The following ZC3H11A variants were observed in gnomAD, a reference collection of about 807,000 sequenced individuals.
ZC3H11A encodes the protein zinc finger CCCH domain-containing protein 11A.
ZC3H11A carries 22 observed loss-of-function variants against 90.8 expected under a neutral mutation model. The ratio of observed to expected loss-of-function variants is 0.24; its 90% CI spans 0.17 to 0.35. The LOEUF (loss-of-function observed/expected upper bound fraction) is 0.35. Ranked by LOEUF, ZC3H11A falls within the 10% of genes least tolerant of loss-of-function variation. ZC3H11A has a pLI of 1.00. For synonymous variants in ZC3H11A, 294 were observed against 339.8 expected (o/e 0.87, Z 1.48); for missense variants, 701 against 964.9 (o/e 0.73, Z 3.62).
intron 4 of ZC3H11A, among the ~76,000 whole-genome samples, chr1:203,825,804 AT>A (rs200102832): frequency 6.7e-6 from 1 of 150,066 alleles, no homozygotes; most frequent in Non-Finnish European, 1.5e-5. Context: ...GTCACTTGTG[AT>A]TTTTTTTTTA....
At position 203,829,673 on chromosome 1, in the gene ZC3H11A, C is replaced by T; in HGVS notation, c.502+19C>T. 6.2e-7 allele frequency: 1 copy of T among 1,614,128 alleles called. No homozygotes were observed. The highest frequency in any genetic ancestry group is 8.5e-7 in the Non-Finnish European group (1 of 1,179,972). ...GATGATGGTAAGTTCTGTCTGGCTC[C>T]TTCTTTAAGGCAAATAAATAGGGTC... On this transcript the variant is annotated intron_variant, in intron 6 of 17. Coordinates refer to ENST00000367210, the MANE Select transcript of ZC3H11A (RefSeq NM_001376342.1).
At position 203,852,976 on chromosome 1, in the gene ZC3H11A, G is replaced by A. The variant is rs1478952663; in HGVS notation, c.*577G>A. The A allele has an allele frequency of 6.5e-6, 1 of 153,918 alleles. No homozygotes were observed. The highest frequency in any genetic ancestry group is 2.4e-5 in the African/African-American group (1 of 41,426). The allele number at this position is 153,918 out of a possible 1,614,324, so 9.5% of individuals were successfully genotyped here. A position where few individuals can be genotyped will look rare whatever the true frequency, so the allele number is the denominator to read the frequency against. ...GCCTGTAATGTGGGCATAACTCTTT[G>A]GACCTGATCTTGATGCTTCTGCTGC... On this transcript the variant is annotated 3_prime_UTR_variant, in exon 18 of 18. Transcript: ENST00000367210.
At chr1:203,817,823 GCTT>G (rs1418421451) in intron 3 of ZC3H11A, among the ~76,000 whole-genome samples, 1 of 151,776 alleles carries the variant, frequency 6.6e-6, no homozygotes, top group Non-Finnish European at 1.5e-5. Context: ...TATGGTCTTG[GCTT>G]ACTGTAACCT....
intron 4 of ZC3H11A, among the ~76,000 whole-genome samples, chr1:203,819,324 C>T (rs1168231551): frequency 2.0e-5 from 3 of 150,322 alleles, no homozygotes; most frequent in African/African-American, 4.9e-5. Flanking sequence ...CAGGTTCAAG[C>T]GATTCTCCTG....
rs115573392 is a variant in ZC3H11A at position 203,797,105 on chromosome 1, T to C, written c.-1588+1311T>C. 3.5e-3 allele frequency: 542 copies of C among 154,674 alleles called. 3 individuals carry two copies. The highest frequency in any genetic ancestry group is 6.7e-3 in the Middle Eastern group (2 of 298). The allele number at this position is 154,674 out of a possible 1,614,324, so 9.6% of individuals were successfully genotyped here. A position where few individuals can be genotyped will look rare whatever the true frequency, so the allele number is the denominator to read the frequency against. On this transcript the variant is annotated intron_variant, in intron 1 of 17. Transcript: ENST00000367210. ...GCTATCATGAGGCATCATAAAAATA[T>C]GTATTTTACAAGGTGAAGGCATTTC...
chr1:203,842,415 G>A (rs919793106), intron 12 of ZC3H11A, among the ~76,000 whole-genome samples: 6 of 152,158 alleles, frequency 3.9e-5, no homozygotes, highest in Admixed American at 2.0e-4. Context: ...CGGCCAACAC[G>A]GCGAAACCCC....
Position 203,815,205 on chromosome 1 carries a change from C to CCTTTT in ZC3H11A, c.-145-1710_-145-1706dup, listed in dbSNP as rs1359596356. 8.2e-4 allele frequency among the ~76,000 whole-genome samples: 52 copies of CCTTTT among 63,448 alleles called. 1 individual carries two copies. Among genetic ancestry groups the CCTTTT allele is most frequent in the African/African-American group, 1.4e-3 (23 of 16,932 alleles). 41.6% of individuals were successfully genotyped at this position (63,448 alleles called of 152,430 possible). ...CTAGATGTTATTTCATTATTTTCTT[C>CCTTTT]CTTTTCTTTTCTTTTTTTTTTTTTT... On this transcript the variant is annotated intron_variant, in intron 2 of 17. Transcript: ENST00000367210.
At chr1:203,797,331 C>T (rs961873963) in intron 1 of ZC3H11A, 39 of 505,392 alleles carry the variant, frequency 7.7e-5, no homozygotes, top group Admixed American at 1.6e-4. Flanking sequence ...AGAAAGAGTT[C>T]GGGAATGTTC....
At chr1:203,840,074 G>T (rs1344132295) in intron 11 of ZC3H11A, among the ~76,000 whole-genome samples, 15 of 152,152 alleles carry the variant, frequency 9.9e-5, no homozygotes, top group Non-Finnish European at 4.4e-5. Flanking sequence ...AAAGTGCTGG[G>T]ATTACAAGCG....
Position 203,828,399 on chromosome 1 carries a change from G to C in ZC3H11A, c.275G>C (p.Gly92Ala). The C allele has an allele frequency of 1.9e-6, 3 of 1,613,308 alleles. No individual in the cohort carries two copies. Among genetic ancestry groups the C allele is most frequent in the Non-Finnish European group, 2.5e-6 (3 of 1,179,620 alleles). The change falls in exon 5 of 18, where the codon GGC becomes GCC. Residue 92 changes from glycine to alanine, a missense_variant. Coordinates refer to ENST00000367210, the MANE Select transcript of ZC3H11A (RefSeq NM_001376342.1). ...CACAATAGAGGACGATATGTTGATG[G>C]CCTTTTCCTACCTCCGAGCAAAAGT... ...FHHNRGRYVD[G>A]LFLPPSKTVL...
intron 1 of ZC3H11A, chr1:203,800,393 G>A (rs1028725073): frequency 1.1e-5 from 12 of 1,065,872 alleles, no homozygotes; most frequent in African/African-American, 9.4e-5. Flanking sequence ...ATTATTCTAC[G>A]TTGGTTCTGA....
At chr1:203,805,418 A>G (rs1671986880) in intron 2 of ZC3H11A, among the ~76,000 whole-genome samples, 1 of 152,158 alleles carries the variant, frequency 6.6e-6, no homozygotes, top group South Asian at 2.1e-4. Flanking sequence ...GGTGTGAGCC[A>G]CCGCGCCCTG....
chr1:203,841,623 C>G (rs1206100467), intron 12 of ZC3H11A, among the ~76,000 whole-genome samples: 1 of 152,248 alleles, frequency 6.6e-6, no homozygotes, highest in Non-Finnish European at 1.5e-5. Context: ...TTCTATTCGA[C>G]AAAACCGCCT....
chr1:203,819,088 A>C (rs573601861), intron 4 of ZC3H11A, among the ~76,000 whole-genome samples: 1 of 41,224 alleles, frequency 2.4e-5, no homozygotes, highest in African/African-American at 6.6e-5. Context: ...ATATATATAT[A>C]TACACACACA....
intron 12 of ZC3H11A, among the ~76,000 whole-genome samples, chr1:203,842,274 C>T (rs1282406688): frequency 6.6e-6 from 1 of 152,170 alleles, no homozygotes; most frequent in Admixed American, 6.5e-5. Context: ...TTGTAGCAAG[C>T]CGAGATCACG....
In ZC3H11A at chr1:203,850,014, A is replaced by T; in HGVS notation, c.1927A>T (p.Lys643Ter). The stretch of plus-strand genomic sequence containing the variant: ...GAAATGTGCAGCACAGACCTTGGAA[A>T]AAAGGGGTAAAGGCAAGTATTTCTA... ...NVKCAAQTLE[K>*]RGKAKPKVNV... Residue 643 changes from lysine to a stop codon, truncating the protein, a stop_gained, in exon 15 of 18, where the codon AAA becomes TAA. Coordinates refer to ENST00000367210, the MANE Select transcript of ZC3H11A (RefSeq NM_001376342.1). LOFTEE classifies it high-confidence loss of function. 6.2e-7 allele frequency: 1 copy of T among 1,614,016 alleles called. No individual in the cohort carries two copies. Among genetic ancestry groups the T allele is most frequent in the Non-Finnish European group, 8.5e-7 (1 of 1,179,996 alleles).
intron 10 of ZC3H11A, among the ~76,000 whole-genome samples, chr1:203,836,445 T>A (rs924205629): frequency 2.6e-5 from 4 of 152,154 alleles, no homozygotes; most frequent in African/African-American, 9.7e-5. Flanking sequence ...CAACTTGTAT[T>A]GAACAGTGTA....
intron 10 of ZC3H11A, among the ~76,000 whole-genome samples, chr1:203,834,866 A>ACTC (rs1683740257): frequency 1.3e-5 from 2 of 151,864 alleles, no homozygotes; most frequent in African/African-American, 4.8e-5. Flanking sequence ...CTGGTCTCGA[A>ACTC]CTCCTGCCCT....
chr1:203,804,471 T>C (rs1241350997), intron 2 of ZC3H11A, among the ~76,000 whole-genome samples: 13 of 151,966 alleles, frequency 8.6e-5, no homozygotes. Flanking sequence ...TATCTTTTTA[T>C]TGTGAATGGT....
Sources: allele counts gnomAD v4.1 joint callset (sites outside exome capture counted in the v4.1 genomes callset), GRCh38; gene constraint gnomAD v4.1.1; transcripts MANE v1.5; gene names NCBI Gene and HGNC (gene_info 2026-07-23, HGNC 2026-07-21).